Variants in KTN1 observed in about 807,000 individuals in gnomAD.
The protein encoded by KTN1 is kinectin.
A neutral mutation model predicts 222.5 loss-of-function variants in KTN1; 130 were observed. That is an observed-to-expected ratio of 0.58 (90% CI 0.51 to 0.68). KTN1 has a LOEUF of 0.68. KTN1 is among the 30% of genes least tolerant of loss of function. The probability of loss-of-function intolerance (pLI) is 0.00; values close to 1 mark genes in which losing one functional copy is unlikely to be tolerated. For synonymous variants in KTN1, 512 were observed against 496.3 expected, an observed-to-expected ratio of 1.03 and a Z score of -0.42; for missense variants, 1,508 against 1,500.4, an observed-to-expected ratio of 1.01 and a Z score of -0.08.
At chr14:55,611,971 C>A in intron 1 of KTN1, 48 bp from the exon 2 acceptor site, 1 of 874,818 alleles carries the variant, frequency 1.1e-6, no homozygotes, top group Non-Finnish European at 1.6e-6. Flanking sequence ...TTTTATGAGA[C>A]TGACAGGTTC....
chr14:55,680,621 G>C lies in KTN1; in HGVS notation c.4069+936G>C, dbSNP rs115516710. On this transcript the variant is annotated intron_variant, in intron 43 of 43. Transcript: ENST00000395314. ...ATACAAGGCCTCAGGGAGAGCTTAG[G>C]TATCCTGGAAAAGTTGGGATGGACT... is the stretch of plus-strand genomic sequence containing the variant. 2.5e-3 allele frequency: 2,187 copies of C among 886,970 alleles called. 37 individuals carry two copies. In the African/African-American group the frequency reaches 0.035, roughly 14 times the overall value. The allele number at this position is 886,970 out of a possible 1,614,324, so 54.9% of individuals were successfully genotyped here. A position where few individuals can be genotyped will look rare whatever the true frequency, so the allele number is the denominator to read the frequency against.
chr14:55,618,508 T>G (rs1232595843), intron 4 of KTN1, among the ~76,000 whole-genome samples: 1 of 152,156 alleles, frequency 6.6e-6, no homozygotes, highest in Non-Finnish European at 1.5e-5. Flanking sequence ...ATCCCCTGTT[T>G]CCACATAAGT....
At chr14:55,681,031 A>T (rs982947407) in intron 43 of KTN1, 1 of 237,660 alleles carries the variant, frequency 4.2e-6, no homozygotes, top group South Asian at 5.9e-5. Context: ...TTAACCTTGT[A>T]CTTCCTTCAG....
At chr14:55,608,307 A>G (rs568021500) in intron 1 of KTN1, among the ~76,000 whole-genome samples, 1 of 152,326 alleles carries the variant, frequency 6.6e-6, no homozygotes, top group African/African-American at 2.4e-5. Flanking sequence ...TATTTATTCA[A>G]TAAACACTCA....
chr14:55,609,915 C>G (rs1037500397), intron 1 of KTN1, among the ~76,000 whole-genome samples: 1 of 152,078 alleles, frequency 6.6e-6, no homozygotes, highest in Non-Finnish European at 1.5e-5. Context: ...TAAAGCATTC[C>G]TGGTTGACGA....
intron 1 of KTN1, among the ~76,000 whole-genome samples, chr14:55,593,640 A>G (rs540623634): frequency 1.3e-5 from 2 of 152,290 alleles, no homozygotes; most frequent in South Asian, 2.1e-4. Context: ...CAGTCAAGGA[A>G]TAACAAAATA....
In KTN1 at chr14:55,616,726, C is replaced by G. The variant is rs2038452141; in HGVS notation, c.661+72C>G. 8 of 1,233,000 alleles carry G rather than the reference C, an allele frequency of 6.5e-6. No homozygotes were observed. The South Asian group carries it at 1.2e-4, about 19-fold the overall frequency. 76.4% of individuals were successfully genotyped at this position (1,233,000 alleles called of 1,614,324 possible). On this transcript the variant is annotated intron_variant, in intron 3 of 43. Coordinates refer to ENST00000395314, the MANE Select transcript of KTN1 (RefSeq NM_001079521.2). ...TACACCAGCACAAGGACCCTGGAATCTCACACGCTCTTTAGCTCCCAGTTT... is the reference window on the plus strand; with the variant it reads ...TACACCAGCACAAGGACCCTGGAATGTCACACGCTCTTTAGCTCCCAGTTT...
rs757729070 is a variant in KTN1, at chr14:55,617,985, T to C, written c.683T>C (p.Ile228Thr). Residue 228 changes from isoleucine (I) to threonine (T), a missense_variant, in exon 4 of 44, where the codon ATT (isoleucine) becomes ACT (threonine). Physicochemically the swap from Ile to Thr is moderately conservative, Grantham distance 89 (BLOSUM62 -1). Transcript: ENST00000395314. ...TENVFVDEPLIHATTYIPLMD... is the reference protein window; with the variant it reads ...TENVFVDEPLTHATTYIPLMD... Reference sequence around the variant, plus strand: ...GCAGTCTTCGTAGATGAACCCCTTATTCATGCAACTACTTATATTCCTTTG... The same window carrying C: ...GCAGTCTTCGTAGATGAACCCCTTACTCATGCAACTACTTATATTCCTTTG... The C allele has an allele frequency of 1.3e-5, 21 of 1,595,658 alleles. No homozygotes were observed. The highest frequency in any genetic ancestry group is 1.8e-5 in the Non-Finnish European group (21 of 1,173,120).
At chr14:55,587,833 C>T (rs2033335130) in intron 1 of KTN1, among the ~76,000 whole-genome samples, 1 of 152,150 alleles carries the variant, frequency 6.6e-6, no homozygotes, top group African/African-American at 2.4e-5. Flanking sequence ...TCTTAAATAG[C>T]TTCCAGTTTG....
Position 55,583,317 on chromosome 14 carries a change from G to A in KTN1, c.-31+2963G>A, listed in dbSNP as rs571833171. 4.6e-5 allele frequency among the ~76,000 whole-genome samples: 7 copies of A among 152,200 alleles called. No individual in the cohort carries two copies. The South Asian group carries it at 1.0e-3, about 23-fold the overall frequency. Reference sequence around the variant, plus strand: ...GGTACAAGCTTTTAATTGGTTTTATGTAAAAGAAAATAGGCAAGATATACT... The same window carrying A: ...GGTACAAGCTTTTAATTGGTTTTATATAAAAGAAAATAGGCAAGATATACT... On this transcript the variant is annotated intron_variant, in intron 1 of 43. Coordinates refer to ENST00000395314, the MANE Select transcript of KTN1 (RefSeq NM_001079521.2).
intron 19 of KTN1, 136 bp downstream of exon 19, chr14:55,647,143 C>T: frequency 1.6e-6 from 1 of 626,700 alleles, no homozygotes; most frequent in Non-Finnish European, 2.8e-6. Flanking sequence ...GATTACATTA[C>T]CGTTTGTGGG....
chr14:55,653,218 G>T, intron 27 of KTN1, 133 bp downstream of exon 27: 1 of 689,720 alleles, frequency 1.4e-6, no homozygotes, highest in Non-Finnish European at 2.5e-6. Flanking sequence ...TAGTTTTGTT[G>T]TTGTTTAAAT....
rs1265099559 is a variant in KTN1 at position 55,651,947 on chromosome 14, T to C, written c.2603+20T>C. The C allele has an allele frequency of 4.1e-6, 6 of 1,476,516 alleles. No individual in the cohort carries two copies. Among genetic ancestry groups the C allele is most frequent in the Non-Finnish European group, 5.6e-6 (6 of 1,068,540 alleles). The allele number at this position is 1,476,516 out of a possible 1,614,324, so 91.5% of individuals were successfully genotyped here. On this transcript the variant is annotated intron_variant, in intron 25 of 43. Coordinates refer to ENST00000395314, the MANE Select transcript of KTN1 (RefSeq NM_001079521.2). Reference sequence around the variant, plus strand: ...GAACTTGTAAGTACCATTTATCTCATTTCCTTTTACTATTTCTTTTTCATG... The same window carrying C: ...GAACTTGTAAGTACCATTTATCTCACTTCCTTTTACTATTTCTTTTTCATG...
At chr14:55,680,354 T>G (rs1404670415) in intron 43 of KTN1, 1 of 178,492 alleles carries the variant, frequency 5.6e-6, no homozygotes, top group Non-Finnish European at 1.2e-5. Context: ...CAGTTTTTGT[T>G]TTTCTGGTTG....
chr14:55,661,269 T>C, intron 31 of KTN1: 2 of 303,596 alleles, frequency 6.6e-6, no homozygotes, highest in Non-Finnish European at 1.2e-5. Flanking sequence ...ATATGTTTCT[T>C]AGGGGATGAG....
rs35566825 is a variant in KTN1, at chr14:55,626,866, C to CTT, written c.964-1038_964-1037dup. ...TTGAGATGTGGGATTTTATCTGCAA[C>CTT]TTTTTTTTTCTTTTCCTTCTTGAGA... On this transcript the variant is annotated intron_variant, in intron 5 of 43. Transcript: ENST00000395314. 2.0e-3 allele frequency among the ~76,000 whole-genome samples: 299 copies of CTT among 150,238 alleles called. 2 individuals carry two copies. The highest frequency in any genetic ancestry group is 2.7e-3 in the Non-Finnish European group (179 of 67,528).
intron 5 of KTN1, among the ~76,000 whole-genome samples, chr14:55,619,989 A>G (rs1489110292): frequency 6.6e-6 from 1 of 152,112 alleles, no homozygotes; most frequent in East Asian, 1.9e-4. Flanking sequence ...AGCCTGTAAA[A>G]TCAGAAGCAA....
At chr14:55,624,127 G>A (rs78663954) in intron 5 of KTN1, among the ~76,000 whole-genome samples, 192 of 152,238 alleles carry the variant, frequency 1.3e-3, no homozygotes, top group African/African-American at 4.5e-3. Flanking sequence ...CTCATGGGGC[G>A]GTTCTGTTCT....
intron 1 of KTN1, among the ~76,000 whole-genome samples, chr14:55,598,220 G>T (rs1301083175): frequency 6.6e-6 from 1 of 152,118 alleles, no homozygotes; most frequent in African/African-American, 2.4e-5. Flanking sequence ...CGGATCACGA[G>T]GTCAGGAGAT....
Sources: gnomAD v4.1 joint callset for allele counts (sites outside exome capture counted in the v4.1 genomes callset) on GRCh38, gnomAD v4.1.1 for gene constraint, MANE v1.5 for transcripts, NCBI Gene and HGNC (gene_info 2026-07-23, HGNC 2026-07-21) for gene names.